ZMYM5: variants seen among roughly 807,000 people sequenced by gnomAD.
ZMYM5 encodes zinc finger MYM-type protein 5.
In ZMYM5, 41 loss-of-function variants were observed where a neutral mutation model predicts 61.8. That is an observed-to-expected ratio of 0.66 (90% CI 0.52 to 0.86). ZMYM5 has a LOEUF of 0.86. ZMYM5 is among the 40% of genes least tolerant of loss of function. The pLI is 0.00. For missense variants in ZMYM5, 706 were observed against 786.7 expected, an observed-to-expected ratio of 0.90 and a Z score of 1.23; for synonymous variants, 257 against 276.4, an observed-to-expected ratio of 0.93 and a Z score of 0.70.
At chr13:19,842,960 CAAAAAAAAAAAAAAA>C (rs753799756) in intron 4 of ZMYM5, among the ~76,000 whole-genome samples, 3 of 77,734 alleles carry the variant, frequency 3.9e-5, no homozygotes, top group African/African-American at 9.6e-5. Flanking sequence ...AACTCCATCT[CAAAAAAAAAAAAAAA>C]AAAAAAAAAA....
intron 4 of ZMYM5, chr13:19,841,696 T>A (rs1952883960): frequency 8.1e-6 from 1 of 122,862 alleles, no homozygotes; most frequent in Non-Finnish European, 1.8e-5. Flanking sequence ...TCTCATGAGC[T>A]TTTTTTTTTT....
At position 19,837,715 on chromosome 13, in the gene ZMYM5, T is replaced by G. The variant is rs1055132896; in HGVS notation, c.979A>C (p.Asn327His). 6.3e-7 allele frequency: 1 copy of G among 1,579,986 alleles called. No homozygotes were observed. The highest frequency in any genetic ancestry group is 1.4e-5 in the African/African-American group (1 of 72,474). ...SCLSPCENNW[N>H]LKKGVFNKSR... is the part of the protein sequence containing the mutation. ...TTATTAAAAACTCCTTTTTTAAGAT[T>G]CCAGTTGTTTTCACAGGGAGACAAA... The change falls in exon 6 of 8, where the codon AAT becomes CAT. Residue 327 changes from asparagine to histidine, a missense_variant. Around this residue, in one of 2 missense-constraint regions of ZMYM5, gnomAD observed 480 missense variants for 461.7 expected, o/e 1.04. Transcript: ENST00000337963.
At chr13:19,845,415 T>C (rs939216376) in intron 4 of ZMYM5, among the ~76,000 whole-genome samples, 2 of 152,246 alleles carry the variant, frequency 1.3e-5, no homozygotes, top group African/African-American at 4.8e-5. Flanking sequence ...TTCACTAGTA[T>C]GCATTTGGTC....
chr13:19,852,153 C>A lies in ZMYM5; in HGVS notation c.28G>T (p.Glu10Ter). Residue 10 changes from glutamate (E) to a stop codon, truncating the protein, a stop_gained, in exon 3 of 8, where the codon GAG (glutamate) becomes TAG (stop). Transcript: ENST00000337963. LOFTEE classifies it high-confidence loss of function. ...AAAGCAGGAGTCTGTTCAGTCAACT[C>A]TAATCCTCCCACTGAACATTTTTCC... The part of the protein sequence containing the change: MEKCSVGGL[E>*]LTEQTPALLG... 1 of 1,606,712 alleles carries A rather than the reference C, an allele frequency of 6.2e-7. No homozygotes were observed.
intron 4 of ZMYM5, among the ~76,000 whole-genome samples, chr13:19,841,006 T>C (rs1409448967): frequency 2.7e-5 from 4 of 150,310 alleles, no homozygotes; most frequent in African/African-American, 9.7e-5. Context: ...TTTTTTTTTT[T>C]TTTTGAGACA....
intron 2 of ZMYM5, among the ~76,000 whole-genome samples, chr13:19,861,070 C>T (rs1953741948): frequency 6.6e-6 from 1 of 151,812 alleles, no homozygotes; most frequent in Admixed American, 6.6e-5. Context: ...CAGACTCAAC[C>T]CCCTGGGCTC....
intron 4 of ZMYM5, among the ~76,000 whole-genome samples, chr13:19,840,994 CTT>C (rs377117105): frequency 0.11 from 15,048 of 136,638 alleles, 1,042 homozygotes; most frequent in African/African-American, 0.2. Flanking sequence ...CCACTTTTTA[CTT>C]TTTTTTTTTT....
At chr13:19,849,006 A>T (rs1953184690) in intron 4 of ZMYM5, among the ~76,000 whole-genome samples, 1 of 152,234 alleles carries the variant, frequency 6.6e-6, no homozygotes, top group Non-Finnish European at 1.5e-5. Context: ...TGGAAAAAAT[A>T]AAAAATGTAA....
chr13:19,859,758 T>C (rs921957488), intron 2 of ZMYM5, among the ~76,000 whole-genome samples: 1 of 151,824 alleles, frequency 6.6e-6, no homozygotes, highest in Non-Finnish European at 1.5e-5. Flanking sequence ...TTATGCAATA[T>C]ATGTAACACC....
At chr13:19,851,505 G>A in intron 3 of ZMYM5, 57 bp from the exon 4 acceptor site, 2 of 1,590,824 alleles carry the variant, frequency 1.3e-6, no homozygotes, top group Non-Finnish European at 1.7e-6. Context: ...TTACTTGACT[G>A]AAGTCCTTTA....
rs1290110476 is a variant in ZMYM5 at position 19,825,019 on chromosome 13, G to A, written c.1468C>T (p.Pro490Ser). 2 of 1,367,598 alleles carry A rather than the reference G, an allele frequency of 1.5e-6. No homozygotes were observed. The highest frequency in any genetic ancestry group is 1.9e-5 in the Admixed American group (1 of 52,556). The allele number at this position is 1,367,598 out of a possible 1,614,324, so 84.7% of individuals were successfully genotyped here. ...LLIQENVNLPPSSTSTIADTF... is the reference protein window; with the variant it reads ...LLIQENVNLPSSSTSTIADTF... Reference sequence around the variant, plus strand: ...TCAGCTATGGTTGACGTGGAAGAAGGAGGTAAATTCACATTCTCTTGGATC... The same window carrying A: ...TCAGCTATGGTTGACGTGGAAGAAGAAGGTAAATTCACATTCTCTTGGATC... The change falls in exon 8 of 8, where the codon CCT becomes TCT. Residue 490 changes from proline to serine, a missense_variant. Pro to Ser is a moderately conservative substitution (Grantham distance 74, BLOSUM62 -1). This residue lies in a region of ZMYM5 where 226 missense variants were observed against 325.0 expected (regional missense o/e 0.70). Transcript: ENST00000337963.
At chr13:19,827,660 G>C (rs1172984409) in intron 7 of ZMYM5, among the ~76,000 whole-genome samples, 1 of 151,898 alleles carries the variant, frequency 6.6e-6, no homozygotes, top group Non-Finnish European at 1.5e-5. Flanking sequence ...GAAATATGTT[G>C]TAATAAAGAC....
chr13:19,838,636 T>C lies in ZMYM5; in HGVS notation c.872+64A>G, dbSNP rs1593867637. On this transcript the variant is annotated intron_variant, in intron 5 of 7. Coordinates refer to ENST00000337963, the MANE Select transcript of ZMYM5 (RefSeq NM_001142684.2). ...AAATCTATCCAGCTCTGCAGTTATA[T>C]TGAGTACTTATTTATACCATTAGTA... 4.5e-5 allele frequency: 71 copies of C among 1,563,166 alleles called. 1 individual carries two copies. The South Asian group carries it at 6.9e-4, about 15-fold the overall frequency.
In ZMYM5 at chr13:19,835,572, A is replaced by T; in HGVS notation, c.1156T>A (p.Tyr386Asn). 1 of 1,367,566 alleles carries T rather than the reference A, an allele frequency of 7.3e-7. No individual in the cohort carries two copies. The highest frequency in any genetic ancestry group is 1.1e-5 in the South Asian group (1 of 88,048). 84.7% of individuals were successfully genotyped at this position (1,367,566 alleles called of 1,614,324 possible). Residue 386 changes from tyrosine to asparagine, a missense_variant, in exon 7 of 8, where the codon TAC (tyrosine) becomes AAC (asparagine). This residue lies in a region of ZMYM5 where 480 missense variants were observed against 461.7 expected (regional missense o/e 1.04). Transcript: ENST00000337963. Reference sequence around the variant, plus strand: ...TTTCCAGTACTCTTACTAGGCATGTACTCTCCACAGTGTTCACAGCAGTTC... The same window carrying T: ...TTTCCAGTACTCTTACTAGGCATGTTCTCTCCACAGTGTTCACAGCAGTTC... ...IMNCCEHCGE[Y>N]MPSKSTGNNI...
rs147134738 is a variant in ZMYM5, at chr13:19,835,403, A to C, written c.1251+74T>G. The C allele has an allele frequency of 1.2e-4, 118 of 1,025,232 alleles. 1 individual carries two copies. In the African/African-American group the frequency reaches 1.8e-3, roughly 15 times the overall value. 63.5% of individuals were successfully genotyped at this position (1,025,232 alleles called of 1,614,324 possible). On this transcript the variant is annotated intron_variant, in intron 7 of 7. Transcript: ENST00000337963. ...TGGAATTAAATGAGATTCTAAGATA[A>C]ATCCGGTTCATGTAAGATGTAAGGG...
Position 19,851,897 on chromosome 13 carries a change from T to C in ZMYM5, c.284A>G (p.Asn95Ser). The change falls in exon 3 of 8, where the codon AAT (asparagine) becomes AGT (serine). Residue 95 changes from asparagine (N) to serine (S), a missense_variant. This residue lies in a region of ZMYM5 where 480 missense variants were observed against 461.7 expected (regional missense o/e 1.04). Coordinates refer to ENST00000337963, the MANE Select transcript of ZMYM5 (RefSeq NM_001142684.2). The part of the protein sequence containing the change: ...ASSKNEKPQG[N>S]YSVIPPSSRD... ...TGAAGAAGGAGGAATTACAGAATAATTTCCTTGAGGCTTTTCATTTTTTGA... is the reference window on the plus strand; with the variant it reads ...TGAAGAAGGAGGAATTACAGAATAACTTCCTTGAGGCTTTTCATTTTTTGA... 2 of 1,612,552 alleles carry C rather than the reference T, an allele frequency of 1.2e-6. No individual in the cohort carries two copies. The highest frequency in any genetic ancestry group is 2.2e-5 in the East Asian group (1 of 44,862).
At chr13:19,855,145 A>C (rs1432599344) in intron 2 of ZMYM5, among the ~76,000 whole-genome samples, 2 of 152,098 alleles carry the variant, frequency 1.3e-5, no homozygotes. Context: ...GCTTGAGCCC[A>C]GGAGTTTGAG....
intron 5 of ZMYM5, among the ~76,000 whole-genome samples, chr13:19,838,249 G>A (rs928651722): frequency 3.3e-5 from 5 of 151,980 alleles, no homozygotes; most frequent in East Asian, 1.9e-4. Flanking sequence ...GTGGTGGCGC[G>A]CACCTGTAAT....
intron 2 of ZMYM5, among the ~76,000 whole-genome samples, chr13:19,852,886 T>C (rs900514032): frequency 6.6e-6 from 1 of 152,184 alleles, no homozygotes; most frequent in Non-Finnish European, 1.5e-5. Flanking sequence ...CTGGCTCTGT[T>C]GTCCAGGCTG....
Sources: gnomAD v4.1 joint callset for allele counts (sites outside exome capture counted in the v4.1 genomes callset) on GRCh38, gnomAD v4.1.1 for gene constraint, gnomAD v4.1.1 regional missense constraint, MANE v1.5 for transcripts, NCBI Gene and HGNC (gene_info 2026-07-23, HGNC 2026-07-21) for gene names.